MALRD1: variants seen among roughly 807,000 people sequenced by gnomAD.
MALRD1 encodes the protein MAM and LDL-receptor class A domain-containing protein 1.
In MALRD1, 247 loss-of-function variants were observed where a neutral mutation model predicts 242.1. The observed-to-expected ratio is 1.02, with a 90% CI of 0.92 to 1.13. The LOEUF (loss-of-function observed/expected upper bound fraction) is 1.13. Ranked by LOEUF, MALRD1 falls within the 50% of genes most tolerant of loss-of-function variation. The probability of loss-of-function intolerance (pLI) is 0.00; values close to 1 mark genes in which losing one functional copy is unlikely to be tolerated. For missense variants in MALRD1, 2,989 were observed against 2,533.1 expected, an observed-to-expected ratio of 1.18 and a Z score of -3.86; for synonymous variants, 995 against 866.6, an observed-to-expected ratio of 1.15 and a Z score of -2.60.
chr10:19,165,882 A>G, intron 13 of MALRD1, 72 bp downstream of exon 13: 1 of 1,093,690 alleles, frequency 9.1e-7, no homozygotes, highest in Admixed American at 4.2e-5. Flanking sequence ...AGATAACAAT[A>G]TAACACACAT....
chr10:19,273,650 C>A (rs888772531), intron 19 of MALRD1, among the ~76,000 whole-genome samples: 2 of 152,118 alleles, frequency 1.3e-5, no homozygotes, highest in Admixed American at 6.5e-5. Flanking sequence ...CCCTATGATT[C>A]TGACAATATG....
chr10:19,225,303 A>C (rs1190889177), intron 18 of MALRD1, among the ~76,000 whole-genome samples: 1 of 152,130 alleles, frequency 6.6e-6, no homozygotes, highest in Non-Finnish European at 1.5e-5. Context: ...AGATAAAGAA[A>C]AGTTCTGAAA....
chr10:19,594,223 G>A (rs1411930948), intron 33 of MALRD1, among the ~76,000 whole-genome samples: 1 of 152,102 alleles, frequency 6.6e-6, no homozygotes, highest in Non-Finnish European at 1.5e-5. Context: ...CCAATTGAAG[G>A]CATAGAAATA....
At chr10:19,054,417 C>G (rs1590364327) in intron 1 of MALRD1, among the ~76,000 whole-genome samples, 1 of 151,976 alleles carries the variant, frequency 6.6e-6, no homozygotes, top group East Asian at 1.9e-4. Context: ...TTTTTTGTGA[C>G]AAGACATTGA....
At chr10:19,679,405 G>A (rs1251103945) in intron 36 of MALRD1, among the ~76,000 whole-genome samples, 2 of 152,054 alleles carry the variant, frequency 1.3e-5, no homozygotes, top group East Asian at 3.9e-4. Context: ...ATGTGTCCAG[G>A]AATTTATCTA....
intron 24 of MALRD1, among the ~76,000 whole-genome samples, chr10:19,346,167 TG>T (rs1844112026): frequency 6.6e-6 from 1 of 152,154 alleles, no homozygotes; most frequent in Non-Finnish European, 1.5e-5. Flanking sequence ...TTATCTGACT[TG>T]GGATAACTAT....
intron 11 of MALRD1, 41 bp from the exon 12 acceptor site, chr10:19,155,034 A>G (rs1834088557): frequency 1.8e-6 from 2 of 1,122,742 alleles, no homozygotes; most frequent in Non-Finnish European, 2.3e-6. Context: ...TAAGTGTGTA[A>G]GAGAACTTGC....
intron 18 of MALRD1, among the ~76,000 whole-genome samples, chr10:19,227,222 C>T (rs1223656810): frequency 6.6e-6 from 1 of 151,626 alleles, no homozygotes; most frequent in Non-Finnish European, 1.5e-5. Flanking sequence ...AGTTGGAAAA[C>T]TTTCCAAATT....
intron 29 of MALRD1, among the ~76,000 whole-genome samples, chr10:19,457,373 G>A (rs2131078083): frequency 6.6e-6 from 1 of 152,126 alleles, no homozygotes; most frequent in East Asian, 1.9e-4. Flanking sequence ...CATAAAGCGG[G>A]TTTATTACGT....
At chr10:19,188,636 T>G (rs1468289429) in intron 14 of MALRD1, among the ~76,000 whole-genome samples, 1 of 152,126 alleles carries the variant, frequency 6.6e-6, no homozygotes, top group African/African-American at 2.4e-5. Flanking sequence ...CCTTGTTTAA[T>G]GTTGTTGATA....
Position 19,066,619 on chromosome 10 carries a change from CTT to C in MALRD1, c.200-99_200-98del, listed in dbSNP as rs753871809. On this transcript the variant is annotated intron_variant, in intron 1 of 39. Transcript: ENST00000454679. ...TTATAAGGAATAATCTTTATGTTGA[CTT>C]ATGTCATTTGTTGCTAAACTTTATT... The C allele has an allele frequency of 1.0e-5, 9 of 896,424 alleles. No individual in the cohort carries two copies. The Admixed American group carries it at 2.1e-4, about 21-fold the overall frequency. The allele number at this position is 896,424 out of a possible 1,614,324, so 55.5% of individuals were successfully genotyped here.
intron 10 of MALRD1, among the ~76,000 whole-genome samples, chr10:19,141,968 C>A (rs1172328101): frequency 3.3e-5 from 5 of 151,694 alleles, no homozygotes; most frequent in South Asian, 2.1e-4. Flanking sequence ...GTCAGGAGAT[C>A]CAGACCATCC....
chr10:19,376,077 G>A (rs1483631322), intron 26 of MALRD1, among the ~76,000 whole-genome samples: 1 of 152,176 alleles, frequency 6.6e-6, no homozygotes, highest in Non-Finnish European at 1.5e-5. Flanking sequence ...AGCCAAGATT[G>A]CACCACTGTA....
chr10:19,061,172 T>A (rs1834812105), intron 1 of MALRD1, among the ~76,000 whole-genome samples: 1 of 152,132 alleles, frequency 6.6e-6, no homozygotes. Context: ...TAATGGATGC[T>A]GGGCTTAATA....
intron 36 of MALRD1, among the ~76,000 whole-genome samples, chr10:19,630,316 A>C (rs189249715): frequency 7.3e-4 from 111 of 152,220 alleles, no homozygotes; most frequent in Non-Finnish European, 1.1e-3. Context: ...TTTCAAATTT[A>C]TTGTTTGGGC....
intron 19 of MALRD1, among the ~76,000 whole-genome samples, chr10:19,275,140 TAAC>T (rs1410833781): frequency 6.6e-6 from 1 of 152,206 alleles, no homozygotes; most frequent in East Asian, 1.9e-4. Context: ...AATGCTATAA[TAAC>T]AATTTATTTA....
intron 12 of MALRD1, among the ~76,000 whole-genome samples, chr10:19,157,281 T>G (rs574808660): frequency 6.6e-6 from 1 of 150,918 alleles, no homozygotes; most frequent in South Asian, 2.1e-4. Context: ...CCTTTTTTTT[T>G]TTTTTTCCTG....
intron 5 of MALRD1, among the ~76,000 whole-genome samples, chr10:19,114,961 C>T (rs1836818663): frequency 6.6e-6 from 1 of 152,108 alleles, no homozygotes; most frequent in Non-Finnish European, 1.5e-5. Flanking sequence ...GGATTAGGGC[C>T]ACCCTGGTTA....
At chr10:19,128,419 A>C in intron 8 of MALRD1, 32 bp downstream of exon 8, 1 of 1,222,520 alleles carries the variant, frequency 8.2e-7, no homozygotes, top group Non-Finnish European at 1.0e-6. Flanking sequence ...TTTCAAATTC[A>C]TTGAATCAAT....
Sources: gnomAD v4.1 joint callset for allele counts (sites outside exome capture counted in the v4.1 genomes callset) on GRCh38, gnomAD v4.1.1 for gene constraint, MANE v1.5 for transcripts, NCBI Gene and HGNC (gene_info 2026-07-23, HGNC 2026-07-21) for gene names.